COL4A6: variants seen among roughly 807,000 people sequenced by gnomAD.
COL4A6 encodes collagen type IV alpha 6 chain.
In COL4A6, 59 loss-of-function variants were observed where a neutral mutation model predicts 126.7. The ratio of observed to expected loss-of-function variants is 0.47; its 90% CI spans 0.38 to 0.58. The LOEUF (loss-of-function observed/expected upper bound fraction) is 0.58. Ranked by LOEUF, COL4A6 falls within the 20% of genes least tolerant of loss-of-function variation. COL4A6 has a pLI of 0.00. For missense variants in COL4A6, 1,285 were observed against 1,337.3 expected (o/e 0.96, Z 0.61); for synonymous variants, 547 against 496.6 (o/e 1.10, Z -1.35).
Position 108,204,431 on chromosome X carries a change from C to T in COL4A6, c.688-19G>A. 1 of 1,169,917 alleles carries T rather than the reference C, an allele frequency of 8.5e-7. No homozygotes were observed. Among genetic ancestry groups the T allele is most frequent in the Non-Finnish European group, 1.2e-6 (1 of 860,843 alleles). ...CATCCCCCTGTAAGATCAAATGGAA[C>T]ATTAAGCAAAGTGACAATCACACCG... On this transcript the variant is annotated intron_variant, in intron 11 of 44. Transcript: ENST00000334504.
intron 5 of COL4A6, among the ~76,000 whole-genome samples, chrX:108,217,356 A>T (rs1430189049): frequency 8.9e-6 from 1 of 111,835 alleles, no homozygotes; most frequent in African/African-American, 3.3e-5. Context: ...GTTGAACAAA[A>T]TAATCAGTCT....
intron 3 of COL4A6, among the ~76,000 whole-genome samples, chrX:108,305,031 A>G (rs1468922510): frequency 8.9e-6 from 1 of 112,045 alleles, no homozygotes; most frequent in Non-Finnish European, 1.9e-5. Context: ...AGAGTCTAAG[A>G]ACACTGTCTC....
At chrX:108,191,633 T>G in intron 18 of COL4A6, 100 bp from the exon 19 acceptor site, 1 of 996,696 alleles carries the variant, frequency 1.0e-6, no homozygotes, top group Non-Finnish European at 1.4e-6. Context: ...AAGGAAGAAT[T>G]TAGGGAAGCA....
At chrX:108,233,706 A>G (rs190101054) in intron 3 of COL4A6, among the ~76,000 whole-genome samples, 2 of 112,107 alleles carry the variant, frequency 1.8e-5, no homozygotes, top group East Asian at 5.7e-4. Context: ...CACAGGCACA[A>G]GAGCCTGCTA....
chrX:108,359,046 T>C (rs772407601), intron 2 of COL4A6, among the ~76,000 whole-genome samples: 1 of 112,132 alleles, frequency 8.9e-6, no homozygotes, highest in African/African-American at 3.2e-5. Context: ...TTCCAAACCA[T>C]TCTGAAAGCA....
Position 108,438,083 on chromosome X carries a change from C to CT in COL4A6, c.12-91dup, listed in dbSNP as rs1418131678. On this transcript the variant is annotated intron_variant, in intron 1 of 44. Coordinates refer to ENST00000334504, the MANE Select transcript of COL4A6 (RefSeq NM_033641.4). The stretch of plus-strand genomic sequence containing the variant: ...CCCCCCGAACCCTTTTGGATGCCTG[C>CT]TCCCAATTTCTCTGCAGTGACAGAA... 8 of 1,195,564 alleles carry CT rather than the reference C, an allele frequency of 6.7e-6. No individual in the cohort carries two copies. In the African/African-American group the frequency reaches 8.8e-5, roughly 13 times the overall value.
At chrX:108,250,481 T>C (rs2036824941) in intron 3 of COL4A6, among the ~76,000 whole-genome samples, 1 of 111,228 alleles carries the variant, frequency 9.0e-6, no homozygotes, top group South Asian at 3.9e-4. Flanking sequence ...GAGAAGTTCA[T>C]GGACATTGAT....
intron 25 of COL4A6, 53 bp downstream of exon 25, chrX:108,180,462 C>T: frequency 9.9e-7 from 1 of 1,011,632 alleles, no homozygotes; most frequent in Non-Finnish European, 1.4e-6. Context: ...CACACACACA[C>T]ACACACACAT....
intron 3 of COL4A6, among the ~76,000 whole-genome samples, chrX:108,257,495 T>C (rs2037037554): frequency 9.0e-6 from 1 of 111,568 alleles, no homozygotes; most frequent in Admixed American, 9.5e-5. Context: ...GTAGACCCAT[T>C]ACTGTGAGAC....
intron 3 of COL4A6, among the ~76,000 whole-genome samples, chrX:108,293,037 A>G (rs192055956): frequency 0.024 from 2,538 of 104,485 alleles, 106 homozygotes; most frequent in African/African-American, 0.086. Context: ...TTCCACTTCA[A>G]TAATTGTCTA....
intron 2 of COL4A6, among the ~76,000 whole-genome samples, chrX:108,357,599 GT>G (rs1569441427): frequency 9.0e-6 from 1 of 111,273 alleles, no homozygotes; most frequent in Non-Finnish European, 1.9e-5. Context: ...CATGGCATAC[GT>G]GTCCCTCCAT....
At chrX:108,366,937 A>T (rs909795360) in intron 2 of COL4A6, among the ~76,000 whole-genome samples, 2 of 111,933 alleles carry the variant, frequency 1.8e-5, no homozygotes, top group Non-Finnish European at 3.8e-5. Context: ...GCCACATTGG[A>T]ATTAAGTGGG....
Position 108,206,589 on chromosome X carries a change from G to A in COL4A6, c.547-9C>T. Reference sequence around the variant, plus strand: ...GGTGCTCCTTGTGGGCCCTAGAGAGGCAAGTTTTTACCAAGTTCAAAAAGC... The same window carrying A: ...GGTGCTCCTTGTGGGCCCTAGAGAGACAAGTTTTTACCAAGTTCAAAAAGC... On this transcript the variant is annotated splice_polypyrimidine_tract_variant and intron_variant, in intron 8 of 44. Coordinates refer to ENST00000334504, the MANE Select transcript of COL4A6 (RefSeq NM_033641.4). 1 of 1,205,774 alleles carries A rather than the reference G, an allele frequency of 8.3e-7. No individual in the cohort carries two copies. The highest frequency in any genetic ancestry group is 1.1e-6 in the Non-Finnish European group (1 of 891,098).
intron 3 of COL4A6, among the ~76,000 whole-genome samples, chrX:108,281,922 C>G (rs893913675): frequency 9.1e-6 from 1 of 109,531 alleles, no homozygotes; most frequent in Admixed American, 9.7e-5. Flanking sequence ...ATAAATGGTA[C>G]TGGGAAAACT....
intron 2 of COL4A6, among the ~76,000 whole-genome samples, chrX:108,351,093 A>G (rs2039830071): frequency 9.0e-6 from 1 of 111,539 alleles, no homozygotes; most frequent in South Asian, 3.8e-4. Flanking sequence ...GGTCCCAATC[A>G]TCTCTCAGGT....
intron 2 of COL4A6, among the ~76,000 whole-genome samples, chrX:108,357,800 G>A (rs1285054651): frequency 1.8e-5 from 2 of 110,416 alleles, no homozygotes; most frequent in Non-Finnish European, 3.8e-5. Flanking sequence ...TCTTCTTGGA[G>A]GACTTTTGGG....
chrX:108,381,646 G>C (rs2040559738), intron 2 of COL4A6, among the ~76,000 whole-genome samples: 1 of 110,950 alleles, frequency 9.0e-6, no homozygotes, highest in Non-Finnish European at 1.9e-5. Context: ...AATTAAATGA[G>C]GTAATACATA....
chrX:108,286,195 G>C (rs1389219908), intron 3 of COL4A6, among the ~76,000 whole-genome samples: 2 of 112,282 alleles, frequency 1.8e-5, no homozygotes, highest in Non-Finnish European at 3.8e-5. Flanking sequence ...CTGGCAGTTT[G>C]TTTGAGATAA....
intron 2 of COL4A6, among the ~76,000 whole-genome samples, chrX:108,344,419 T>C (rs933727187): frequency 2.2e-4 from 24 of 111,429 alleles, no homozygotes; most frequent in African/African-American, 7.2e-4. Flanking sequence ...TCTGCTTTCT[T>C]CATCCAACTT....
Sources: gnomAD v4.1 joint callset for allele counts (sites outside exome capture counted in the v4.1 genomes callset) on GRCh38, gnomAD v4.1.1 for gene constraint, MANE v1.5 for transcripts, NCBI Gene and HGNC (gene_info 2026-07-23, HGNC 2026-07-21) for gene names.